Variants in DPYD observed in about 807,000 individuals in gnomAD.
DPYD encodes dihydropyrimidine dehydrogenase [NADP(+)].
Under a neutral mutation model 116.2 loss-of-function variants are expected in DPYD, and 109 were observed. That is an observed-to-expected ratio of 0.94 (90% CI 0.80 to 1.10). DPYD has a LOEUF of 1.10. DPYD is among the 50% of genes least tolerant of loss of function. The pLI, the probability that DPYD is intolerant of heterozygous loss-of-function variation, is 0.00. For missense variants in DPYD, 1,302 were observed against 1,254.5 expected (o/e 1.04, Z -0.57); for synonymous variants, 440 against 432.0 (o/e 1.02, Z -0.23).
intron 20 of DPYD, among the ~76,000 whole-genome samples, chr1:97,106,450 T>C (rs1050379290): frequency 3.3e-5 from 5 of 152,162 alleles, no homozygotes; most frequent in African/African-American, 1.2e-4. Context: ...AATTGGTTGA[T>C]GGACTGCATA....
chr1:97,545,898 TTAAAC>T (rs1243933845), intron 12 of DPYD: 16 of 1,076,108 alleles, frequency 1.5e-5, no homozygotes, highest in Non-Finnish European at 2.2e-5. Flanking sequence ...AGTATAAAAT[TTAAAC>T]TATCCAGGAT....
chr1:97,473,565 C>A (rs1677777952), intron 13 of DPYD, among the ~76,000 whole-genome samples: 1 of 152,076 alleles, frequency 6.6e-6, no homozygotes, highest in South Asian at 2.1e-4. Context: ...CAGGGGAATG[C>A]AATCAAAGTC....
intron 20 of DPYD, among the ~76,000 whole-genome samples, chr1:97,179,660 A>G (rs1472801675): frequency 6.6e-6 from 1 of 152,152 alleles, no homozygotes; most frequent in African/African-American, 2.4e-5. Flanking sequence ...CTTCATAAAC[A>G]GTGCCTGAAG....
chr1:97,195,666 A>G lies in DPYD; in HGVS notation c.2443-2418T>C, dbSNP rs374605330. Among the ~76,000 whole-genome samples the G allele has an allele frequency of 1.9e-3, 102 of 53,540 alleles. 5 individuals carry two copies. The highest frequency in any genetic ancestry group is 6.3e-3 in the South Asian group (10 of 1,600). 35.1% of individuals were successfully genotyped at this position (53,540 alleles called of 152,430 possible). A position where few individuals can be genotyped will look rare whatever the true frequency, so the allele number is the denominator to read the frequency against. On this transcript the variant is annotated intron_variant, in intron 19 of 22. Coordinates refer to ENST00000370192, the MANE Select transcript of DPYD (RefSeq NM_000110.4). ...TATATATATATATATATATATATAT[A>G]TATATATATATATATATATATATGC...
chr1:97,180,348 A>G (rs1368032440), intron 20 of DPYD, among the ~76,000 whole-genome samples: 2 of 152,128 alleles, frequency 1.3e-5, no homozygotes, highest in South Asian at 4.1e-4. Flanking sequence ...GCTTAACGGG[A>G]GATATAACAA....
At chr1:97,477,774 C>T (rs1172078226) in intron 13 of DPYD, among the ~76,000 whole-genome samples, 1 of 151,742 alleles carries the variant, frequency 6.6e-6, no homozygotes, top group Non-Finnish European at 1.5e-5. Flanking sequence ...GCGCCCGCCA[C>T]CGCGCCCGGC....
At chr1:97,241,388 T>A (rs1662330709) in intron 18 of DPYD, among the ~76,000 whole-genome samples, 1 of 151,946 alleles carries the variant, frequency 6.6e-6, no homozygotes, top group Non-Finnish European at 1.5e-5. Flanking sequence ...CCCTTGTAAC[T>A]CTGAAGCTAG....
chr1:97,777,233 C>T (rs1050319450), intron 3 of DPYD, among the ~76,000 whole-genome samples: 1 of 152,036 alleles, frequency 6.6e-6, no homozygotes, highest in African/African-American at 2.4e-5. Context: ...TAATATACTC[C>T]AGGCTTTTAA....
chr1:97,235,153 G>A (rs192173281), intron 18 of DPYD, among the ~76,000 whole-genome samples, 159 bp from the exon 19 acceptor site: 12 of 152,322 alleles, frequency 7.9e-5, no homozygotes, highest in Non-Finnish European at 1.2e-4. Flanking sequence ...GTGTATAAAT[G>A]TTATGTTTTA....
At chr1:97,313,955 C>A (rs1413008478) in intron 16 of DPYD, among the ~76,000 whole-genome samples, 1 of 151,942 alleles carries the variant, frequency 6.6e-6, no homozygotes, top group African/African-American at 2.4e-5. Flanking sequence ...TGAAGAATTT[C>A]TAATTGCATA....
intron 18 of DPYD, among the ~76,000 whole-genome samples, chr1:97,277,073 G>A (rs1001925385): frequency 3.9e-5 from 6 of 152,116 alleles, no homozygotes; most frequent in Admixed American, 1.3e-4. Flanking sequence ...GGATGCATCT[G>A]GAGGCCATTA....
chr1:97,423,902 T>C (rs1674722775), intron 14 of DPYD, among the ~76,000 whole-genome samples: 1 of 152,154 alleles, frequency 6.6e-6, no homozygotes. Flanking sequence ...CACTAGCCTG[T>C]GAGTGCAAAA....
rs531436560 is a variant in DPYD at position 97,827,419 on chromosome 1, G to C, written c.233+695C>G. Among the ~76,000 whole-genome samples the C allele has an allele frequency of 3.9e-5, 6 of 152,116 alleles. No individual in the cohort carries two copies. In the East Asian group the frequency reaches 9.7e-4, roughly 25 times the overall value. On this transcript the variant is annotated intron_variant, in intron 3 of 22. Transcript: ENST00000370192. ...GTTGTTTTCTCACTCTGTGGATGATGAGTTTTATTTCCCACAAATTTTCAA... is the reference window on the plus strand; with the variant it reads ...GTTGTTTTCTCACTCTGTGGATGATCAGTTTTATTTCCCACAAATTTTCAA...
chr1:97,855,925 T>G (rs1670817146), intron 2 of DPYD: 1 of 152,214 alleles, frequency 6.6e-6, no homozygotes, highest in Non-Finnish European at 1.5e-5. Context: ...AGCTTCTGTG[T>G]GAACACAAGT....
chr1:97,777,756 T>C (rs906235052), intron 3 of DPYD, among the ~76,000 whole-genome samples: 6 of 152,120 alleles, frequency 3.9e-5, no homozygotes, highest in Non-Finnish European at 8.8e-5. Context: ...TGCTTTTTGG[T>C]TTTTTGTTCT....
chr1:97,842,060 T>C (rs922720526), intron 2 of DPYD, among the ~76,000 whole-genome samples: 2 of 152,010 alleles, frequency 1.3e-5, no homozygotes, highest in East Asian at 1.9e-4. Context: ...TCTTCTCTAG[T>C]AGTCAGAGGC....
In DPYD at chr1:97,394,670, T is replaced by C. The variant is rs545697830; in HGVS notation, c.1906-12209A>G. Among the ~76,000 whole-genome samples the C allele has an allele frequency of 3.9e-5, 6 of 152,096 alleles. No individual in the cohort carries two copies. In the South Asian group the frequency reaches 1.2e-3, roughly 32 times the overall value. On this transcript the variant is annotated intron_variant, in intron 14 of 22. Transcript: ENST00000370192. Reference sequence around the variant, plus strand: ...TATGCTGTTTGAAAAGTGGCACCAATAGACTTGTTAGAAGCAGGATTGCCA... The same window carrying C: ...TATGCTGTTTGAAAAGTGGCACCAACAGACTTGTTAGAAGCAGGATTGCCA...
intron 2 of DPYD, chr1:97,856,753 G>C (rs1202730711): frequency 1.3e-5 from 2 of 152,306 alleles, no homozygotes; most frequent in Non-Finnish European, 2.9e-5. Flanking sequence ...ACCCAGCCCA[G>C]GCTCAGGACT....
At chr1:97,495,701 T>C (rs1010771685) in intron 13 of DPYD, among the ~76,000 whole-genome samples, 1 of 152,106 alleles carries the variant, frequency 6.6e-6, no homozygotes, top group African/African-American at 2.4e-5. Context: ...ATAAATGATT[T>C]ACAGATAAAC....
Sources: allele counts gnomAD v4.1 joint callset (sites outside exome capture counted in the v4.1 genomes callset), GRCh38; gene constraint gnomAD v4.1.1; transcripts MANE v1.5; gene names NCBI Gene and HGNC (gene_info 2026-07-23, HGNC 2026-07-21).